Variants in QTMAN observed in about 807,000 individuals in gnomAD.
QTMAN encodes the protein tRNA-queuosine alpha-mannosyltransferase.
chr2:144,311,614 C>T, the QTMAN span, among the ~76,000 whole-genome samples: 1 of 152,140 alleles, frequency 6.6e-6, no homozygotes, highest in Non-Finnish European at 1.5e-5. Flanking sequence ...CTCAGTCACC[C>T]ATTTCCATGG....
the QTMAN span, among the ~76,000 whole-genome samples, chr2:144,179,946 T>C: frequency 6.6e-6 from 1 of 152,190 alleles, no homozygotes; most frequent in Non-Finnish European, 1.5e-5. Context: ...TTGTAGTTTG[T>C]TGTTGTAAAG....
the QTMAN span, chr2:143,951,910 G>T: frequency 1.1e-4 from 87 of 757,606 alleles, no homozygotes; most frequent in Admixed American, 2.2e-4. Flanking sequence ...TTAATTAAAT[G>T]TTTTTTTTTA....
chr2:144,128,966 A>C, the QTMAN span, among the ~76,000 whole-genome samples: 1 of 151,460 alleles, frequency 6.6e-6, no homozygotes, highest in Admixed American at 6.6e-5. Context: ...TTTGTTTCCA[A>C]CAGAATTTAT....
chr2:144,150,172 A>G, the QTMAN span, among the ~76,000 whole-genome samples: 392 of 152,190 alleles, frequency 2.6e-3, 1 homozygote, highest in Non-Finnish European at 4.7e-3. Flanking sequence ...TACCACTCAT[A>G]CACAATTTCT....
the QTMAN span, among the ~76,000 whole-genome samples, chr2:143,980,493 T>C: frequency 1.3e-5 from 2 of 152,310 alleles, no homozygotes; most frequent in African/African-American, 4.8e-5. Flanking sequence ...AGTTAGTAAA[T>C]TGAATTGACT....
At chr2:144,034,348 C>T in the QTMAN span, among the ~76,000 whole-genome samples, 1 of 152,200 alleles carries the variant, frequency 6.6e-6, no homozygotes, top group Non-Finnish European at 1.5e-5. Flanking sequence ...AATCCTCTCG[C>T]ACTTGTTATT....
chr2:143,962,497 AT>A, the QTMAN span, among the ~76,000 whole-genome samples: 6 of 152,132 alleles, frequency 3.9e-5, no homozygotes, highest in African/African-American at 1.4e-4. Context: ...ACAAACACTT[AT>A]TATTGTTATA....
the QTMAN span, among the ~76,000 whole-genome samples, chr2:144,307,694 C>T: frequency 6.6e-6 from 1 of 152,164 alleles, no homozygotes; most frequent in East Asian, 1.9e-4. Context: ...GAAACAATGA[C>T]AAACTGTAAA....
the QTMAN span, among the ~76,000 whole-genome samples, chr2:144,297,519 T>C: frequency 1.3e-5 from 2 of 151,948 alleles, no homozygotes. Flanking sequence ...ATTACTAGTC[T>C]TGGCTGGGCG....
At chr2:144,140,505 A>G in the QTMAN span, among the ~76,000 whole-genome samples, 1 of 152,050 alleles carries the variant, frequency 6.6e-6, no homozygotes. Flanking sequence ...GGCAAAGTAT[A>G]ACTATCACAT....
chr2:144,129,237 G>A, the QTMAN span, among the ~76,000 whole-genome samples: 1 of 151,852 alleles, frequency 6.6e-6, no homozygotes, highest in African/African-American at 2.4e-5. Context: ...TTTGAAATAG[G>A]TGGGTGTCCA....
chr2:144,227,992 A>T, the QTMAN span, among the ~76,000 whole-genome samples: 7 of 152,218 alleles, frequency 4.6e-5, no homozygotes, highest in Non-Finnish European at 1.0e-4. Flanking sequence ...CTTTCTAAAG[A>T]AAAAGAGAAA....
chr2:144,027,805 A>G, the QTMAN span, among the ~76,000 whole-genome samples: 1 of 152,224 alleles, frequency 6.6e-6, no homozygotes, highest in Non-Finnish European at 1.5e-5. Context: ...GCTCTAAGTG[A>G]TTAAGATAGG....
At chr2:144,029,916 G>A in the QTMAN span, among the ~76,000 whole-genome samples, 4 of 151,894 alleles carry the variant, frequency 2.6e-5, no homozygotes, top group African/African-American at 9.7e-5. Context: ...GCGTGAGTGT[G>A]AGTGTGTGTG....
At chr2:144,129,224 G>A in the QTMAN span, among the ~76,000 whole-genome samples, 1 of 151,844 alleles carries the variant, frequency 6.6e-6, no homozygotes, top group African/African-American at 2.4e-5. Flanking sequence ...GATTTGCACT[G>A]GATTTGAAAT....
At chr2:143,993,823 G>A in the QTMAN span, among the ~76,000 whole-genome samples, 1 of 152,086 alleles carries the variant, frequency 6.6e-6, no homozygotes, top group East Asian at 1.9e-4. Context: ...AATCAAACAA[G>A]GTAATAATTT....
At chr2:144,218,060 A>T in the QTMAN span, among the ~76,000 whole-genome samples, 1 of 152,160 alleles carries the variant, frequency 6.6e-6, no homozygotes, top group Non-Finnish European at 1.5e-5. Flanking sequence ...GTGTTCAATA[A>T]ATGTGTGTTG....
At chr2:144,151,365 CTCTTA>C in the QTMAN span, among the ~76,000 whole-genome samples, 2,118 of 152,104 alleles carry the variant, frequency 0.014, 49 homozygotes, top group African/African-American at 0.049. Flanking sequence ...CTGTATTAAT[CTCTTA>C]TATTTCTTTT....
the QTMAN span, among the ~76,000 whole-genome samples, chr2:144,228,722 G>A: frequency 6.6e-6 from 1 of 152,206 alleles, no homozygotes; most frequent in Non-Finnish European, 1.5e-5. Context: ...ACTTTGGGAG[G>A]CTGAGGCAGG....
Sources: allele counts gnomAD v4.1 joint callset (sites outside exome capture counted in the v4.1 genomes callset), GRCh38; gene constraint gnomAD v4.1.1; transcripts MANE v1.5; gene names NCBI Gene and HGNC (gene_info 2026-07-23, HGNC 2026-07-21).